The following BTAF1 variants were observed in gnomAD, a reference collection of about 807,000 sequenced individuals.
The protein encoded by BTAF1 is TATA-binding protein-associated factor 172.
BTAF1 carries 38 observed loss-of-function variants against 227.1 expected under a neutral mutation model. The ratio of observed to expected loss-of-function variants is 0.17; its 90% CI spans 0.13 to 0.22. The LOEUF (loss-of-function observed/expected upper bound fraction) is 0.22, where lower values mean the gene tolerates loss of function less well. Among genes scored for constraint, BTAF1 ranks in the 10% least tolerant of loss-of-function variants. BTAF1 has a pLI of 1.00. For missense variants in BTAF1, 1,598 were observed against 2,204.0 expected, an observed-to-expected ratio of 0.73 and a Z score of 5.51; for synonymous variants, 742 against 751.9, an observed-to-expected ratio of 0.99 and a Z score of 0.21.
chr10:91,971,430 A>G (rs185523372), intron 14 of BTAF1, among the ~76,000 whole-genome samples: 17 of 131,368 alleles, frequency 1.3e-4, no homozygotes, highest in Admixed American at 6.7e-4. Flanking sequence ...TTTATTGGCT[A>G]TTTCATTCTG....
chr10:91,999,062 CA>C (rs34831539), intron 25 of BTAF1, among the ~76,000 whole-genome samples: 19,564 of 115,280 alleles, frequency 0.17, 1,262 homozygotes, highest in Middle Eastern at 0.22. Flanking sequence ...GACTTCCTTT[CA>C]AAAAAAAAAA....
At chr10:92,028,521 A>G (rs181795131) in intron 37 of BTAF1, among the ~76,000 whole-genome samples, 318 of 152,328 alleles carry the variant, frequency 2.1e-3, no homozygotes, top group African/African-American at 7.1e-3. Context: ...ACATCCATAT[A>G]TACATACACA....
chr10:91,967,401 T>C (rs780908972), intron 14 of BTAF1, among the ~76,000 whole-genome samples: 1 of 152,122 alleles, frequency 6.6e-6, no homozygotes, highest in African/African-American at 2.4e-5. Flanking sequence ...GTACCTAGAT[T>C]TAGGGGATTA....
At chr10:91,925,703 G>A (rs950932040) in intron 1 of BTAF1, among the ~76,000 whole-genome samples, 8 of 152,034 alleles carry the variant, frequency 5.3e-5, no homozygotes, top group African/African-American at 1.7e-4. Flanking sequence ...AGTAGAGACG[G>A]GTTTCACCGT....
At chr10:91,991,787 G>A (rs1192937105) in intron 20 of BTAF1, among the ~76,000 whole-genome samples, 3 of 20,722 alleles carry the variant, frequency 1.4e-4, no homozygotes, top group African/African-American at 7.1e-4. Context: ...GTGTGTGTGT[G>A]TGTGTGTGTG....
At chr10:91,942,762 AT>A (rs1276275200) in intron 4 of BTAF1, among the ~76,000 whole-genome samples, 194 bp downstream of exon 4, 1 of 152,052 alleles carries the variant, frequency 6.6e-6, no homozygotes. Context: ...CAATATGAGT[AT>A]TTTTTCTCCT....
chr10:91,924,710 G>A (rs945396411), intron 1 of BTAF1, among the ~76,000 whole-genome samples: 1 of 152,180 alleles, frequency 6.6e-6, no homozygotes, highest in Non-Finnish European at 1.5e-5. Context: ...ATATTCTTTT[G>A]AAATATTGCC....
At chr10:91,973,392 C>A (rs1000658540) in intron 14 of BTAF1, among the ~76,000 whole-genome samples, 1 of 152,138 alleles carries the variant, frequency 6.6e-6, no homozygotes, top group Non-Finnish European at 1.5e-5. Context: ...TAATGCTATA[C>A]AAGTATAAAT....
intron 14 of BTAF1, among the ~76,000 whole-genome samples, chr10:91,978,138 C>T (rs1178929521): frequency 6.6e-6 from 1 of 152,170 alleles, no homozygotes; most frequent in African/African-American, 2.4e-5. Flanking sequence ...AGTTTAACTG[C>T]CCTAAAAATC....
Position 91,963,713 on chromosome 10 carries a change from C to T in BTAF1, c.1405-364C>T, listed in dbSNP as rs554491119. ...AAATTTTTTTTATGATGATTAGTAC[C>T]ATTTTAAATGCAGTAAAATTACATA... On this transcript the variant is annotated intron_variant, in intron 12 of 37. Coordinates refer to ENST00000265990, the MANE Select transcript of BTAF1 (RefSeq NM_003972.3). 2.0e-5 allele frequency among the ~76,000 whole-genome samples: 3 copies of T among 152,252 alleles called. No individual in the cohort carries two copies. The South Asian group carries it at 6.2e-4, about 32-fold the overall frequency.
At chr10:91,933,694 G>A (rs148166617) in intron 1 of BTAF1, among the ~76,000 whole-genome samples, 14 of 152,312 alleles carry the variant, frequency 9.2e-5, no homozygotes, top group Middle Eastern at 3.4e-3. Flanking sequence ...TGGTATTTTG[G>A]TGTAGAAAGA....
intron 13 of BTAF1, among the ~76,000 whole-genome samples, chr10:91,965,113 A>G (rs1230219766): frequency 6.6e-6 from 1 of 152,206 alleles, no homozygotes; most frequent in Admixed American, 6.5e-5. Context: ...GCCTATAAGT[A>G]GGAATAGCAA....
At chr10:92,011,950 A>G (rs1182476422) in intron 30 of BTAF1, among the ~76,000 whole-genome samples, 1 of 151,914 alleles carries the variant, frequency 6.6e-6, no homozygotes. Context: ...TTGGATAGCA[A>G]ACTTTGGTGG....
At position 91,959,056 on chromosome 10, in the gene BTAF1, T is replaced by A; in HGVS notation, c.901-9T>A. The A allele has an allele frequency of 1.2e-6, 2 of 1,611,986 alleles. No individual in the cohort carries two copies. The highest frequency in any genetic ancestry group is 1.7e-6 in the Non-Finnish European group (2 of 1,178,752). On this transcript the variant is annotated splice_polypyrimidine_tract_variant and intron_variant, in intron 8 of 37. Transcript: ENST00000265990. ...TAACATCTGACATTTGCTTCTTTGT[T>A]CTTTTCAGGTTCGACATGGTGCAGG...
intron 1 of BTAF1, among the ~76,000 whole-genome samples, chr10:91,931,015 GTATT>G (rs2133771872): frequency 6.6e-6 from 1 of 152,256 alleles, no homozygotes; most frequent in Non-Finnish European, 1.5e-5. Context: ...AATACAGTAT[GTATT>G]TGTTTATTAA....
At chr10:91,943,249 G>A (rs1340548683) in intron 4 of BTAF1, among the ~76,000 whole-genome samples, 1 of 151,520 alleles carries the variant, frequency 6.6e-6, no homozygotes. Context: ...GGGAGGCGGA[G>A]GTTGCAGTGA....
intron 9 of BTAF1, among the ~76,000 whole-genome samples, chr10:91,959,508 T>A (rs1208366440): frequency 3.3e-5 from 5 of 152,006 alleles, no homozygotes; most frequent in Non-Finnish European, 7.4e-5. Flanking sequence ...AGAATTGTGA[T>A]ATAGTATATC....
rs1272879514 is a variant in BTAF1, at chr10:92,018,884, T to C, written c.4812T>C (p.Asn1604=). ...CTGCCGAAAAACTGGCAGTTCAGAA[T>C]TCTTCTCTACATGATATTCAACATG... The part of the protein sequence containing the change: ...KTTAEKLAVQ[N]SSLHDIQHAP... The change falls in exon 34 of 38, where the codon AAT becomes AAC. Residue 1604 remains asparagine, a synonymous_variant. Transcript: ENST00000265990. 6.2e-7 allele frequency: 1 copy of C among 1,611,124 alleles called. No individual in the cohort carries two copies. Among genetic ancestry groups the C allele is most frequent in the Admixed American group, 1.7e-5 (1 of 59,072 alleles).
At chr10:91,966,793 T>A (rs201657707) in intron 14 of BTAF1, 36 bp downstream of exon 14, 22 of 1,571,430 alleles carry the variant, frequency 1.4e-5, no homozygotes, top group East Asian at 4.6e-5. Flanking sequence ...TTGAAACTTA[T>A]ATAAATTAAT....
Sources: allele counts gnomAD v4.1 joint callset (sites outside exome capture counted in the v4.1 genomes callset), GRCh38; gene constraint gnomAD v4.1.1; transcripts MANE v1.5; gene names NCBI Gene and HGNC (gene_info 2026-07-23, HGNC 2026-07-21).